Variants in ATG5 observed in about 807,000 individuals in gnomAD.
ATG5 encodes autophagy protein 5.
ATG5 carries 14 observed loss-of-function variants against 36.5 expected under a neutral mutation model. The observed-to-expected ratio is 0.38, with a 90% CI of 0.25 to 0.60. The LOEUF (loss-of-function observed/expected upper bound fraction) is 0.60, where lower values mean the gene tolerates loss of function less well. Among genes scored for constraint, ATG5 ranks in the 20% least tolerant of loss-of-function variants. The pLI is 0.60. For synonymous variants in ATG5, 95 were observed against 101.5 expected (o/e 0.94, Z 0.38); for missense variants, 195 against 326.7 (o/e 0.60, Z 3.11).
chr6:106,310,332 C>A (rs1439135579), intron 2 of ATG5, among the ~76,000 whole-genome samples: 1 of 152,032 alleles, frequency 6.6e-6, no homozygotes, highest in East Asian at 1.9e-4. Context: ...TGGGAGTAAT[C>A]TTTAACTAAT....
At chr6:106,279,035 C>T (rs981306637) in intron 5 of ATG5, among the ~76,000 whole-genome samples, 1 of 152,160 alleles carries the variant, frequency 6.6e-6, no homozygotes, top group Non-Finnish European at 1.5e-5. Flanking sequence ...AACTGAAATT[C>T]ATGCATACTG....
intron 2 of ATG5, among the ~76,000 whole-genome samples, chr6:106,314,575 A>G (rs1770769485): frequency 6.6e-6 from 1 of 152,092 alleles, no homozygotes; most frequent in Non-Finnish European, 1.5e-5. Flanking sequence ...TAATAAATAA[A>G]TAAATAAATA....
intron 5 of ATG5, among the ~76,000 whole-genome samples, chr6:106,255,721 G>T (rs1248836071): frequency 6.6e-6 from 1 of 152,094 alleles, no homozygotes; most frequent in East Asian, 1.9e-4. Context: ...TTATTCTGTT[G>T]TTCTATGTGC....
intron 5 of ATG5, among the ~76,000 whole-genome samples, chr6:106,275,540 T>C (rs1201659250): frequency 6.6e-6 from 1 of 152,210 alleles, no homozygotes; most frequent in Admixed American, 6.5e-5. Context: ...AAAGTATATT[T>C]TAACCAAACA....
intron 7 of ATG5, among the ~76,000 whole-genome samples, chr6:106,191,852 A>C (rs1024399892): frequency 3.3e-5 from 5 of 152,188 alleles, no homozygotes; most frequent in African/African-American, 1.2e-4. Context: ...CGTTATAAGA[A>C]TAAGTTCATT....
chr6:106,208,274 A>T (rs1776717713), intron 6 of ATG5, among the ~76,000 whole-genome samples: 1 of 152,354 alleles, frequency 6.6e-6, no homozygotes, highest in East Asian at 1.9e-4. Context: ...ACATATGTAT[A>T]TGTATAAATG....
chr6:106,226,095 G>A (rs1002785028), intron 6 of ATG5, among the ~76,000 whole-genome samples: 3 of 152,200 alleles, frequency 2.0e-5, no homozygotes, highest in Admixed American at 6.5e-5. Flanking sequence ...ATTGCTTGCC[G>A]TATCATTGAA....
intron 5 of ATG5, among the ~76,000 whole-genome samples, chr6:106,257,549 C>A (rs1778848361): frequency 6.6e-6 from 1 of 152,196 alleles, no homozygotes; most frequent in African/African-American, 2.4e-5. Flanking sequence ...CATCATAATG[C>A]AGAGCATGAT....
chr6:106,277,951 TA>T (rs749872653), intron 5 of ATG5, among the ~76,000 whole-genome samples: 7 of 152,330 alleles, frequency 4.6e-5, no homozygotes, highest in East Asian at 3.9e-4. Context: ...TTTTATTAAT[TA>T]TTTTTTTTTA....
chr6:106,300,311 A>G (rs1770152582), intron 3 of ATG5, among the ~76,000 whole-genome samples: 1 of 152,198 alleles, frequency 6.6e-6, no homozygotes, highest in Non-Finnish European at 1.5e-5. Flanking sequence ...TCACAACCTT[A>G]AAAAGACTGG....
At chr6:106,319,140 T>C (rs560540970) in intron 1 of ATG5, among the ~76,000 whole-genome samples, 1 of 152,294 alleles carries the variant, frequency 6.6e-6, no homozygotes, top group African/African-American at 2.4e-5. Context: ...CCACATTAGA[T>C]ACAAGAATTA....
chr6:106,282,522 A>G (rs1779921176), intron 4 of ATG5, among the ~76,000 whole-genome samples: 1 of 152,240 alleles, frequency 6.6e-6, no homozygotes, highest in South Asian at 2.1e-4. Flanking sequence ...AGTTAAGAAC[A>G]CATACGATGC....
At chr6:106,306,550 C>T (rs1408532039) in intron 3 of ATG5, among the ~76,000 whole-genome samples, 7 of 152,164 alleles carry the variant, frequency 4.6e-5, no homozygotes, top group Admixed American at 3.9e-4. Context: ...TAGCCCACCA[C>T]AACAAAGAAT....
intron 2 of ATG5, among the ~76,000 whole-genome samples, chr6:106,314,598 CTT>C (rs1366874049): frequency 2.6e-5 from 4 of 151,878 alleles, no homozygotes; most frequent in South Asian, 2.1e-4. Flanking sequence ...AGTAAACAGA[CTT>C]AAATTATTTT....
chr6:106,246,392 TCACACACACA>T (rs72252671), intron 6 of ATG5, among the ~76,000 whole-genome samples: 144 of 129,592 alleles, frequency 1.1e-3, no homozygotes, highest in Middle Eastern at 3.9e-3. Context: ...TCTCTCTCTC[TCACACACACA>T]CACACACACA....
intron 5 of ATG5, among the ~76,000 whole-genome samples, chr6:106,266,519 G>T (rs1285397080): frequency 1.3e-5 from 2 of 152,052 alleles, no homozygotes; most frequent in Non-Finnish European, 2.9e-5. Context: ...CTCATTTTAT[G>T]ATACCAAAAC....
At position 106,185,446 on chromosome 6, in the gene ATG5, T is replaced by C. The variant is rs971434015; in HGVS notation, c.*1094A>G. On this transcript the variant is annotated 3_prime_UTR_variant, in exon 8 of 8. Transcript: ENST00000369076. Reference sequence around the variant, plus strand: ...GCTTGGTAATAAAGTGCAGCAAACTTTCCTTATATTGAATAAGAACTCCAG... The same window carrying C: ...GCTTGGTAATAAAGTGCAGCAAACTCTCCTTATATTGAATAAGAACTCCAG... 2.0e-5 allele frequency: 3 copies of C among 152,482 alleles called. No individual in the cohort carries two copies. Among genetic ancestry groups the C allele is most frequent in the African/African-American group, 7.2e-5 (3 of 41,420 alleles). 9.4% of individuals were successfully genotyped at this position (152,482 alleles called of 1,614,324 possible).
chr6:106,308,990 A>G (rs991092574), intron 2 of ATG5, among the ~76,000 whole-genome samples: 2 of 152,128 alleles, frequency 1.3e-5, no homozygotes, highest in African/African-American at 2.4e-5. Context: ...AAAAAAAAAC[A>G]GTATGAAGAA....
At chr6:106,263,559 G>A (rs1779110987) in intron 5 of ATG5, among the ~76,000 whole-genome samples, 1 of 152,196 alleles carries the variant, frequency 6.6e-6, no homozygotes, top group Non-Finnish European at 1.5e-5. Context: ...CCTCCTGACT[G>A]GGAGAGACCT....
Sources: gnomAD v4.1 joint callset for allele counts (sites outside exome capture counted in the v4.1 genomes callset) on GRCh38, gnomAD v4.1.1 for gene constraint, MANE v1.5 for transcripts, NCBI Gene and HGNC (gene_info 2026-07-23, HGNC 2026-07-21) for gene names.